Variants in ASNS observed in about 807,000 individuals in gnomAD.
The protein encoded by ASNS is asparagine synthetase (glutamine-hydrolyzing).
Under a neutral mutation model 62.6 loss-of-function variants are expected in ASNS, and 37 were observed. The ratio of observed to expected loss-of-function variants is 0.59; its 90% CI spans 0.45 to 0.78. ASNS has a LOEUF of 0.78. Among genes scored for constraint, ASNS ranks in the 30% least tolerant of loss-of-function variants. ASNS has a pLI of 0.00. For synonymous variants in ASNS, 207 were observed against 237.9 expected (o/e 0.87, Z 1.19); for missense variants, 520 against 682.4 (o/e 0.76, Z 2.65).
In ASNS at chr7:97,852,467, A is replaced by G; in HGVS notation, c.1478T>C (p.Val493Ala). ...TGCATTTGCCATCATTGCATCATCA[A>G]CCTGTAAGAATAAGCATATAAGAGC... ...KILQEYVEHQ[V>A]DDAMMANAAQ... The change falls in exon 13 of 13, where the codon GTT becomes GCT. Residue 493 changes from valine (V) to alanine (A), a missense_variant and splice_region_variant. By Grantham distance (64) the Val-to-Ala change is moderately conservative (BLOSUM62 0). Coordinates refer to ENST00000394308, the MANE Select transcript of ASNS (RefSeq NM_001673.5). 2 of 1,614,062 alleles carry G rather than the reference A, an allele frequency of 1.2e-6. No individual in the cohort carries two copies. The highest frequency in any genetic ancestry group is 1.7e-6 in the Non-Finnish European group (2 of 1,179,926).
the ASNS span, among the ~76,000 whole-genome samples, chr7:97,888,221 G>C: frequency 3.3e-5 from 5 of 152,006 alleles, no homozygotes; most frequent in African/African-American, 9.7e-5. Flanking sequence ...CAGTCCTCCT[G>C]CCTCACCCTT....
chr7:97,875,220 A>G (rs532355328), upstream of ASNS, among the ~76,000 whole-genome samples: 19 of 152,290 alleles, frequency 1.2e-4, no homozygotes, highest in African/African-American at 4.6e-4. Flanking sequence ...ATCTCAGCTC[A>G]CTGCAACCTC....
chr7:97,894,480 C>CAAAAAAAAAAAAAAAAAAAAAAAAAA, the ASNS span, among the ~76,000 whole-genome samples: 1 of 36,540 alleles, frequency 2.7e-5, no homozygotes, highest in Non-Finnish European at 4.6e-5. Context: ...TGAGGCTAAC[C>CAAAAAAAAAAAAAAAAAAAAAAAAAA]AAAAAAAAAA....
At chr7:97,852,735 C>T (rs1276527692) in intron 12 of ASNS, among the ~76,000 whole-genome samples, 1 of 152,100 alleles carries the variant, frequency 6.6e-6, no homozygotes, top group African/African-American at 2.4e-5. Flanking sequence ...CCAGCAGGTG[C>T]CCAAAAATCT....
intron 3 of ASNS, among the ~76,000 whole-genome samples, chr7:97,865,410 T>A (rs7810919): frequency 2.0e-5 from 3 of 152,072 alleles, no homozygotes; most frequent in South Asian, 2.1e-4. Flanking sequence ...TCCTCTGAGA[T>A]TGAAGAGGCA....
upstream of ASNS, among the ~76,000 whole-genome samples, chr7:97,877,454 A>G (rs75653146): frequency 6.6e-6 from 1 of 152,134 alleles, no homozygotes; most frequent in African/African-American, 2.4e-5. Context: ...AGCAGCTTAA[A>G]ACACCATCCA....
the ASNS span, among the ~76,000 whole-genome samples, chr7:97,920,374 C>A: frequency 3.3e-5 from 5 of 152,056 alleles, no homozygotes. Context: ...TCCTGCCCCC[C>A]TCCAGAGCTG....
chr7:97,854,783 C>T lies in ASNS; in HGVS notation c.1138-103G>A, dbSNP rs1219289392. ...AAGGTGGATAAGACAAAAAGTTAAA[C>T]AAATTTAGGGAAGGGAGTAAATAAC... On this transcript the variant is annotated intron_variant, in intron 9 of 12. Coordinates refer to ENST00000394308, the MANE Select transcript of ASNS (RefSeq NM_001673.5). 1.9e-6 allele frequency: 3 copies of T among 1,562,372 alleles called. No homozygotes were observed. In the Admixed American group the frequency reaches 5.8e-5, roughly 30 times the overall value.
chr7:97,898,076 T>A, the ASNS span, among the ~76,000 whole-genome samples: 1 of 152,014 alleles, frequency 6.6e-6, no homozygotes, highest in Non-Finnish European at 1.5e-5. Flanking sequence ...TACAGGCGCA[T>A]GCCACCAAGC....
rs114328017 is a variant in ASNS at position 97,862,371 on chromosome 7, T to C, written c.487+1888A>G. 5.4e-3 allele frequency among the ~76,000 whole-genome samples: 815 copies of C among 152,206 alleles called. 4 individuals are homozygous for C. The highest frequency in any genetic ancestry group is 0.019 in the African/African-American group (773 of 41,528). On this transcript the variant is annotated intron_variant, in intron 4 of 12. Transcript: ENST00000394308. ...GCCAGTCTGAAAAAGCTACATACTATATGATTACAACTATTATACGACATT... is the reference window on the plus strand; with the variant it reads ...GCCAGTCTGAAAAAGCTACATACTACATGATTACAACTATTATACGACATT...
At chr7:97,892,285 A>G in the ASNS span, among the ~76,000 whole-genome samples, 1 of 152,178 alleles carries the variant, frequency 6.6e-6, no homozygotes, top group Non-Finnish European at 1.5e-5. Flanking sequence ...CCCTGGGTCC[A>G]GGCCACAAAA....
intron 4 of ASNS, among the ~76,000 whole-genome samples, chr7:97,860,508 T>C (rs1264692633): frequency 6.6e-6 from 1 of 152,186 alleles, no homozygotes; most frequent in Non-Finnish European, 1.5e-5. Context: ...TGCTTGTTCT[T>C]TGCCATCTGA....
rs1791350725 is a variant in ASNS at position 97,854,668 on chromosome 7, CAGG to C, written c.1147_1149del (p.Pro383del). 6.2e-7 allele frequency: 1 copy of C among 1,613,948 alleles called. No homozygotes were observed. The highest frequency in any genetic ancestry group is 1.7e-5 in the Admixed American group (1 of 59,970). Reference sequence around the variant, plus strand: ...CTCTCACTCTCCTCCTCGGCTTTTTCAGGAGAAGGAGCCTATTTCACAAACAAA... The same window carrying C: ...CTCTCACTCTCCTCCTCGGCTTTTTCAGAAGGAGCCTATTTCACAAACAAA... On this transcript the variant is annotated inframe_deletion, in exon 10 of 13. Coordinates refer to ENST00000394308, the MANE Select transcript of ASNS (RefSeq NM_001673.5).
the ASNS span, among the ~76,000 whole-genome samples, chr7:97,887,319 A>T: frequency 6.6e-6 from 1 of 152,212 alleles, no homozygotes; most frequent in Non-Finnish European, 1.5e-5. Context: ...GCATTCAGGC[A>T]CAAGTGCATT....
chr7:97,899,197 C>T, the ASNS span: 5 of 240,612 alleles, frequency 2.1e-5, no homozygotes, highest in Non-Finnish European at 4.1e-5. Context: ...GGCCAAGCTG[C>T]TCTTAAACTC....
the ASNS span, among the ~76,000 whole-genome samples, chr7:97,888,272 C>A: frequency 1.3e-5 from 2 of 152,098 alleles, no homozygotes; most frequent in African/African-American, 4.8e-5. Context: ...CCACACCCAG[C>A]CTCTTATTCT....
intron 4 of ASNS, among the ~76,000 whole-genome samples, chr7:97,862,823 A>G (rs905445112): frequency 7.3e-6 from 1 of 136,932 alleles, no homozygotes; most frequent in African/African-American, 2.5e-5. Flanking sequence ...CCTAACAGGA[A>G]AAAAAAATGG....
chr7:97,870,122 G>A (rs1792181724), intron 1 of ASNS: 2 of 445,228 alleles, frequency 4.5e-6, no homozygotes, highest in East Asian at 8.2e-5. Context: ...GAAATAAAGG[G>A]CTGTTTTATT....
the ASNS span, among the ~76,000 whole-genome samples, chr7:97,890,501 G>C: frequency 6.6e-6 from 1 of 151,878 alleles, no homozygotes; most frequent in Non-Finnish European, 1.5e-5. Flanking sequence ...AACCTTACAG[G>C]CTAGGAGAAA....
Sources: allele counts gnomAD v4.1 joint callset (sites outside exome capture counted in the v4.1 genomes callset), GRCh38; gene constraint gnomAD v4.1.1; transcripts MANE v1.5; gene names NCBI Gene and HGNC (gene_info 2026-07-23, HGNC 2026-07-21).